Variants in FAM78B observed in about 807,000 individuals in gnomAD.
FAM78B encodes family with sequence similarity 78 member B, also known as protein FAM78B.
In FAM78B, 10 loss-of-function variants were observed where a neutral mutation model predicts 20.0. The observed-to-expected ratio is 0.50, with a 90% CI of 0.31 to 0.85. FAM78B has a LOEUF of 0.85. Ranked by LOEUF, FAM78B falls within the 40% of genes least tolerant of loss-of-function variation. FAM78B has a pLI of 0.05. For missense variants in FAM78B, 283 were observed against 345.0 expected, an observed-to-expected ratio of 0.82 and a Z score of 1.42; for synonymous variants, 135 against 132.8, an observed-to-expected ratio of 1.02 and a Z score of -0.12.
chr1:166,065,181 G>A (rs900429054), downstream of FAM78B, among the ~76,000 whole-genome samples: 1 of 152,198 alleles, frequency 6.6e-6, no homozygotes, highest in Non-Finnish European at 1.5e-5. Flanking sequence ...GAGGGTGCCT[G>A]CATTTAACCA....
downstream of FAM78B, among the ~76,000 whole-genome samples, chr1:166,066,416 G>A (rs1323912497): frequency 6.6e-6 from 1 of 152,152 alleles, no homozygotes; most frequent in African/African-American, 2.4e-5. Flanking sequence ...AGATGAAAGG[G>A]ACTAGCTTTC....
At chr1:166,075,576 T>A (rs1286521913) in intron 1 of FAM78B, among the ~76,000 whole-genome samples, 1 of 152,130 alleles carries the variant, frequency 6.6e-6, no homozygotes, top group East Asian at 1.9e-4. Context: ...AGGACGGGGT[T>A]GTGTTTGTCT....
chr1:166,086,408 C>T lies in FAM78B; in HGVS notation c.264-15645G>A, dbSNP rs76231982. Among the ~76,000 whole-genome samples, 5 of 152,170 alleles carry T rather than the reference C, an allele frequency of 3.3e-5. No homozygotes were observed. The East Asian group carries it at 7.7e-4, about 24-fold the overall frequency. On this transcript the variant is annotated intron_variant, in intron 1 of 1. Coordinates refer to ENST00000354422, the MANE Select transcript of FAM78B (RefSeq NM_001017961.5). ...TCATTTCTCTCATTTCTCTCACTGG[C>T]GCTGGGCAGGGTAAGGGTGGGAAGA...
intron 1 of FAM78B, among the ~76,000 whole-genome samples, chr1:166,078,830 C>T (rs1652441473): frequency 1.3e-5 from 2 of 151,838 alleles, no homozygotes; most frequent in South Asian, 2.1e-4. Flanking sequence ...GGAGGACTGA[C>T]GGTTTTAAGC....
chr1:166,100,756 A>C (rs538179900), intron 1 of FAM78B, among the ~76,000 whole-genome samples: 2 of 152,284 alleles, frequency 1.3e-5, no homozygotes, highest in East Asian at 3.9e-4. Flanking sequence ...TGTAGATTCC[A>C]CCTCTGGGAG....
At chr1:166,121,776 C>T (rs868648833) in intron 1 of FAM78B, among the ~76,000 whole-genome samples, 11 of 152,204 alleles carry the variant, frequency 7.2e-5, no homozygotes, top group Admixed American at 5.2e-4. Context: ...GAACCTGAGA[C>T]AGAGAGCAGG....
intron 1 of FAM78B, among the ~76,000 whole-genome samples, chr1:166,085,598 G>A (rs1652797184): frequency 1.3e-5 from 2 of 152,254 alleles, no homozygotes; most frequent in African/African-American, 4.8e-5. Context: ...AACCAGGGCA[G>A]GTCTGCTGGG....
At chr1:166,164,301 G>A (rs1358838333) in intron 1 of FAM78B, among the ~76,000 whole-genome samples, 1 of 152,220 alleles carries the variant, frequency 6.6e-6, no homozygotes, top group Non-Finnish European at 1.5e-5. Flanking sequence ...GGTGAGGCCA[G>A]GGAAATGAGA....
intron 1 of FAM78B, among the ~76,000 whole-genome samples, chr1:166,156,033 C>CGGAAG (rs1655879132): frequency 6.6e-6 from 1 of 152,174 alleles, no homozygotes; most frequent in African/African-American, 2.4e-5. Flanking sequence ...ACTGCGGATG[C>CGGAAG]CGATTTACCG....
intron 1 of FAM78B, among the ~76,000 whole-genome samples, chr1:166,123,073 G>C (rs139414289): frequency 6.6e-6 from 1 of 152,226 alleles, no homozygotes; most frequent in Non-Finnish European, 1.5e-5. Context: ...CTCAGTGGCA[G>C]GGACAGCAGA....
chr1:166,095,288 C>T (rs534112317), intron 1 of FAM78B, among the ~76,000 whole-genome samples: 2 of 151,842 alleles, frequency 1.3e-5, no homozygotes, highest in East Asian at 1.9e-4. Flanking sequence ...CCCGCAAGAG[C>T]AGCCGGAGTG....
intron 1 of FAM78B, among the ~76,000 whole-genome samples, chr1:166,117,510 T>TC (rs939508936): frequency 2.0e-5 from 3 of 152,188 alleles, no homozygotes; most frequent in African/African-American, 7.2e-5. Flanking sequence ...ATCCATTAAT[T>TC]CCCATGTGAA....
intron 1 of FAM78B, among the ~76,000 whole-genome samples, chr1:166,153,890 A>ATTC (rs1218023611): frequency 2.0e-5 from 3 of 152,088 alleles, no homozygotes; most frequent in African/African-American, 7.2e-5. Context: ...TGTTGCCTAG[A>ATTC]CCTGTTCCCT....
At chr1:166,135,289 T>A (rs568150771) in intron 1 of FAM78B, among the ~76,000 whole-genome samples, 1 of 152,212 alleles carries the variant, frequency 6.6e-6, no homozygotes, top group African/African-American at 2.4e-5. Context: ...AGCAATGACA[T>A]CTTGAAAGCA....
exon 3 of FAM78B, chr1:166,058,283 G>C (rs1424591773): frequency 6.6e-6 from 1 of 152,222 alleles, no homozygotes; most frequent in Non-Finnish European, 1.5e-5. Flanking sequence ...TGACTGAACT[G>C]TCACCTATCA....
At chr1:166,141,611 G>A (rs1265400427) in intron 1 of FAM78B, among the ~76,000 whole-genome samples, 1 of 152,208 alleles carries the variant, frequency 6.6e-6, no homozygotes, top group African/African-American at 2.4e-5. Context: ...CTCTGCAAAG[G>A]AGGCATGTTC....
rs1217631219 is a variant in FAM78B at position 166,166,186 on chromosome 1, G to A, written c.63C>T (p.Tyr21=). Residue 21 remains tyrosine (Y), a synonymous_variant, in exon 1 of 2, where the codon TAC becomes TAT. Transcript: ENST00000354422. ...ARIRRENIVV[Y]DVCATIDQCP... is the part of the protein sequence containing the mutation. Reference sequence around the variant, plus strand: ...ACTGGTCGATGGTGGCGCACACATCGTACACCACGATGTTCTCGCGCCGGA... The same window carrying A: ...ACTGGTCGATGGTGGCGCACACATCATACACCACGATGTTCTCGCGCCGGA... The A allele has an allele frequency of 3.8e-5, 61 of 1,595,722 alleles. No homozygotes were observed. The highest frequency in any genetic ancestry group is 4.6e-5 in the Non-Finnish European group (54 of 1,170,858).
At chr1:166,155,775 C>CAGCGT (rs1655868315) in intron 1 of FAM78B, among the ~76,000 whole-genome samples, 1 of 152,144 alleles carries the variant, frequency 6.6e-6, no homozygotes, top group South Asian at 2.1e-4. Flanking sequence ...AATGGAGGCT[C>CAGCGT]AGCGTGTGTG....
intron 1 of FAM78B, among the ~76,000 whole-genome samples, chr1:166,126,204 C>T (rs1390594303): frequency 6.6e-6 from 1 of 152,104 alleles, no homozygotes; most frequent in African/African-American, 2.4e-5. Context: ...GATGCAGAAC[C>T]AATGGATACA....
Sources: allele counts gnomAD v4.1 joint callset (sites outside exome capture counted in the v4.1 genomes callset), GRCh38; gene constraint gnomAD v4.1.1; transcripts MANE v1.5; gene names NCBI Gene and HGNC (gene_info 2026-07-23, HGNC 2026-07-21).